Variants in SULF1 observed in about 807,000 individuals in gnomAD.
The protein encoded by SULF1 is extracellular sulfatase Sulf-1.
SULF1 carries 46 observed loss-of-function variants against 110.5 expected under a neutral mutation model. The observed-to-expected ratio is 0.42, with a 90% CI of 0.33 to 0.53. SULF1 has a LOEUF of 0.53. Among genes scored for constraint, SULF1 ranks in the 20% least tolerant of loss-of-function variants. SULF1 has a pLI of 0.12. For synonymous variants in SULF1, 371 were observed against 387.1 expected (o/e 0.96, Z 0.49); for missense variants, 941 against 1,094.2 (o/e 0.86, Z 1.98).
At chr8:69,626,881 G>T (rs571845027) in intron 15 of SULF1, among the ~76,000 whole-genome samples, 1 of 152,254 alleles carries the variant, frequency 6.6e-6, no homozygotes, top group South Asian at 2.1e-4. Flanking sequence ...AGCTGAGGGA[G>T]CCGGCACTGG....
chr8:69,537,312 GC>G (rs1401340030), intron 3 of SULF1, among the ~76,000 whole-genome samples: 2 of 152,150 alleles, frequency 1.3e-5, no homozygotes, highest in African/African-American at 4.8e-5. Context: ...CAGGACCCTG[GC>G]TGAAAGGTGC....
intron 1 of SULF1, among the ~76,000 whole-genome samples, chr8:69,485,307 T>A (rs1447251079): frequency 6.6e-6 from 1 of 152,204 alleles, no homozygotes; most frequent in Non-Finnish European, 1.5e-5. Context: ...TGCATTCCAG[T>A]ATAGCACACA....
chr8:69,584,860 A>G (rs933277834), intron 6 of SULF1, among the ~76,000 whole-genome samples: 9 of 152,246 alleles, frequency 5.9e-5, no homozygotes, highest in Admixed American at 3.3e-4. Flanking sequence ...AGCAAGCTAA[A>G]TACCTATCCC....
intron 6 of SULF1, among the ~76,000 whole-genome samples, chr8:69,578,988 T>C (rs111443978): frequency 0.047 from 7,059 of 150,862 alleles, 268 homozygotes; most frequent in African/African-American, 0.1. Flanking sequence ...ACGGTGAAAC[T>C]GTCTCTACTA....
chr8:69,484,982 G>C (rs1809647184), intron 1 of SULF1, among the ~76,000 whole-genome samples: 1 of 152,076 alleles, frequency 6.6e-6, no homozygotes, highest in Non-Finnish European at 1.5e-5. Flanking sequence ...GGGACTACAG[G>C]TGCATGTCAC....
chr8:69,519,210 C>A (rs942429577), intron 3 of SULF1, among the ~76,000 whole-genome samples: 24 of 152,292 alleles, frequency 1.6e-4, no homozygotes, highest in Admixed American at 7.2e-4. Flanking sequence ...GTTTCTGTTT[C>A]TTTTCTCCCC....
chr8:69,647,492 A>G (rs1812009962), intron 22 of SULF1, among the ~76,000 whole-genome samples: 1 of 152,204 alleles, frequency 6.6e-6, no homozygotes, highest in Non-Finnish European at 1.5e-5. Flanking sequence ...CTATTCCTAC[A>G]ATTCATCCAT....
intron 1 of SULF1, among the ~76,000 whole-genome samples, chr8:69,477,667 T>C (rs894985205): frequency 1.3e-5 from 2 of 152,138 alleles, no homozygotes; most frequent in African/African-American, 4.8e-5. Flanking sequence ...TGGAAAGATA[T>C]TAGAAATCTG....
At chr8:69,553,107 C>G (rs573627466) in intron 3 of SULF1, among the ~76,000 whole-genome samples, 1 of 152,234 alleles carries the variant, frequency 6.6e-6, no homozygotes, top group Non-Finnish European at 1.5e-5. Context: ...TTCACATTAG[C>G]TCTCCAAAGT....
At chr8:69,566,781 C>A (rs757150292) in intron 5 of SULF1, among the ~76,000 whole-genome samples, 6 of 151,272 alleles carry the variant, frequency 4.0e-5, no homozygotes, top group Non-Finnish European at 7.4e-5. Context: ...ACCCGTGAGG[C>A]AGAGGTTGCA....
upstream of SULF1, among the ~76,000 whole-genome samples, chr8:69,489,571 CTTTTTTT>C (rs61391745): frequency 2.4e-3 from 217 of 91,980 alleles, no homozygotes; most frequent in Middle Eastern, 7.4e-3. Context: ...CTTTCTTTCT[CTTTTTTT>C]TTTTTTTTTT....
intron 3 of SULF1, among the ~76,000 whole-genome samples, chr8:69,525,417 T>C (rs1377107478): frequency 6.6e-6 from 1 of 152,194 alleles, no homozygotes; most frequent in Non-Finnish European, 1.5e-5. Flanking sequence ...ATGAATTATG[T>C]CTTTGCCCAT....
chr8:69,615,695 A>T (rs1206794145), intron 13 of SULF1, among the ~76,000 whole-genome samples: 1 of 152,176 alleles, frequency 6.6e-6, no homozygotes, highest in Non-Finnish European at 1.5e-5. Flanking sequence ...ACAGTGCCAG[A>T]CATCCAGTGT....
At chr8:69,591,088 T>C (rs1806863514) in intron 8 of SULF1, among the ~76,000 whole-genome samples, 1 of 152,180 alleles carries the variant, frequency 6.6e-6, no homozygotes, top group South Asian at 2.1e-4. Context: ...CAGAGTGTTT[T>C]GTGGCTCCTT....
At chr8:69,467,364 G>T (rs1456893000) in intron 1 of SULF1, among the ~76,000 whole-genome samples, 1 of 152,210 alleles carries the variant, frequency 6.6e-6, no homozygotes, top group African/African-American at 2.4e-5. Context: ...TTACTGAGTT[G>T]CTGGCAGAGG....
chr8:69,505,308 G>A (rs1811109722), intron 3 of SULF1, among the ~76,000 whole-genome samples: 2 of 152,064 alleles, frequency 1.3e-5, no homozygotes, highest in Non-Finnish European at 2.9e-5. Context: ...CTGGTTTTCA[G>A]CTTAAAATAC....
At chr8:69,628,941 G>A (rs1306914243) in intron 18 of SULF1, among the ~76,000 whole-genome samples, 2 of 152,234 alleles carry the variant, frequency 1.3e-5, no homozygotes, top group East Asian at 3.9e-4. Context: ...TTCCATCGAT[G>A]TTTCCATGCA....
At chr8:69,598,471 AC>A (rs140366270) in intron 8 of SULF1, among the ~76,000 whole-genome samples, 4,989 of 151,906 alleles carry the variant, frequency 0.033, 101 homozygotes, top group African/African-American at 0.061. Context: ...GGCTCACTGC[AC>A]CCTCCACCTC....
chr8:69,619,924 G>A (rs1017463357), intron 13 of SULF1, among the ~76,000 whole-genome samples: 11 of 152,190 alleles, frequency 7.2e-5, no homozygotes, highest in Admixed American at 5.2e-4. Context: ...TTGTTAACCA[G>A]TTCAATGGAC....
Sources: gnomAD v4.1 joint callset for allele counts (sites outside exome capture counted in the v4.1 genomes callset) on GRCh38, gnomAD v4.1.1 for gene constraint, MANE v1.5 for transcripts, NCBI Gene and HGNC (gene_info 2026-07-23, HGNC 2026-07-21) for gene names.